RBFOX3: variants seen among roughly 807,000 people sequenced by gnomAD.
RBFOX3 encodes RNA binding protein fox-1 homolog 3.
Under a neutral mutation model 48.7 loss-of-function variants are expected in RBFOX3, and 17 were observed. The observed-to-expected ratio is 0.35, with a 90% CI of 0.24 to 0.52. RBFOX3 has a LOEUF of 0.52. RBFOX3 is among the 20% of genes least tolerant of loss of function. The probability of loss-of-function intolerance (pLI) is 0.94; values close to 1 mark genes in which losing one functional copy is unlikely to be tolerated. For missense variants in RBFOX3, 382 were observed against 497.5 expected, an observed-to-expected ratio of 0.77 and a Z score of 2.21; for synonymous variants, 212 against 209.5, an observed-to-expected ratio of 1.01 and a Z score of -0.10.
intron 1 of RBFOX3, among the ~76,000 whole-genome samples, chr17:79,610,441 GCCGCCGCCGCCACAGCCACCACCA>G (rs2093946458): frequency 6.6e-6 from 1 of 151,792 alleles, no homozygotes; most frequent in Non-Finnish European, 1.5e-5. Flanking sequence ...TTGTGCCGCC[GCCGCCGCCGCCACAGCCACCACCA>G]CCGCCACCGC....
At chr17:79,253,369 G>A (rs1005772253) in intron 3 of RBFOX3, among the ~76,000 whole-genome samples, 1 of 151,860 alleles carries the variant, frequency 6.6e-6, no homozygotes, top group Non-Finnish European at 1.5e-5. Context: ...CTGCCTCCCC[G>A]CCCAGATGAA....
At chr17:79,282,274 G>A (rs1436587431) in intron 3 of RBFOX3, among the ~76,000 whole-genome samples, 1 of 152,222 alleles carries the variant, frequency 6.6e-6, no homozygotes, top group African/African-American at 2.4e-5. Context: ...CAGGGGTAAC[G>A]GAAGGGGTGC....
intron 2 of RBFOX3, among the ~76,000 whole-genome samples, chr17:79,447,967 A>C (rs2072678799): frequency 6.6e-6 from 1 of 152,084 alleles, no homozygotes; most frequent in Admixed American, 6.5e-5. Flanking sequence ...AGTTCGTTTG[A>C]AAGTGTGTAG....
chr17:79,307,889 C>G (rs553022815), intron 2 of RBFOX3, 65 bp from the exon 3 acceptor site: 1 of 153,862 alleles, frequency 6.5e-6, no homozygotes, highest in South Asian at 2.1e-4. Context: ...TAGAGTGCAT[C>G]AGACGCATGC....
intron 4 of RBFOX3, among the ~76,000 whole-genome samples, chr17:79,162,426 C>G (rs1338378516): frequency 6.6e-6 from 1 of 152,232 alleles, no homozygotes; most frequent in African/African-American, 2.4e-5. Context: ...TGCCTCCAGC[C>G]AGGCCCACCA....
intron 1 of RBFOX3, among the ~76,000 whole-genome samples, chr17:79,523,711 C>T (rs1413615637): frequency 1.3e-5 from 2 of 152,154 alleles, no homozygotes; most frequent in East Asian, 1.9e-4. Flanking sequence ...TGCCTGCCCT[C>T]GGGACTCACA....
At chr17:79,279,544 C>T (rs909513916) in intron 3 of RBFOX3, among the ~76,000 whole-genome samples, 9 of 152,256 alleles carry the variant, frequency 5.9e-5, no homozygotes, top group East Asian at 5.8e-4. Flanking sequence ...CCAAATAGAG[C>T]GAAGGCATGA....
chr17:79,411,381 G>A (rs1264400076), intron 2 of RBFOX3, among the ~76,000 whole-genome samples: 1 of 152,152 alleles, frequency 6.6e-6, no homozygotes, highest in Non-Finnish European at 1.5e-5. Context: ...CAAGCAGCCA[G>A]GTTGTCTCGG....
chr17:79,551,929 T>C (rs1855574935), intron 1 of RBFOX3, among the ~76,000 whole-genome samples: 1 of 152,222 alleles, frequency 6.6e-6, no homozygotes, highest in Non-Finnish European at 1.5e-5. Flanking sequence ...TTTAGAGCAA[T>C]GCAAATGGAC....
chr17:79,415,340 A>G (rs965253587), intron 2 of RBFOX3, among the ~76,000 whole-genome samples: 1 of 152,190 alleles, frequency 6.6e-6, no homozygotes, highest in East Asian at 1.9e-4. Flanking sequence ...GTGTGGGGCT[A>G]AATACTCCAA....
intron 4 of RBFOX3, among the ~76,000 whole-genome samples, chr17:79,168,651 T>A (rs547499803): frequency 6.6e-6 from 1 of 152,336 alleles, no homozygotes; most frequent in Non-Finnish European, 1.5e-5. Flanking sequence ...CATCCGCTGA[T>A]GAATGCACTG....
chr17:79,140,722 A>C (rs1568211686), intron 4 of RBFOX3, among the ~76,000 whole-genome samples: 1 of 152,238 alleles, frequency 6.6e-6, no homozygotes, highest in Non-Finnish European at 1.5e-5. Flanking sequence ...AAATGCCACC[A>C]TGCTGTCTAG....
At chr17:79,483,927 G>A (rs1186488421) in intron 1 of RBFOX3, among the ~76,000 whole-genome samples, 2 of 152,188 alleles carry the variant, frequency 1.3e-5, no homozygotes, top group Non-Finnish European at 2.9e-5. Flanking sequence ...TTTAGTTGGT[G>A]AGGGCTGGCA....
At chr17:79,573,261 AG>A (rs1267723431) in intron 1 of RBFOX3, among the ~76,000 whole-genome samples, 2 of 152,178 alleles carry the variant, frequency 1.3e-5, no homozygotes, top group African/African-American at 2.4e-5. Flanking sequence ...TGAAAAGGAG[AG>A]AAAGACCAAG....
chr17:79,450,594 C>T (rs1284566774), intron 2 of RBFOX3, among the ~76,000 whole-genome samples: 8 of 151,796 alleles, frequency 5.3e-5, no homozygotes, highest in African/African-American at 1.2e-4. Flanking sequence ...ATATTTTCAA[C>T]TTAGCAATAA....
chr17:79,620,176 CACACACAT>C, the RBFOX3 span, among the ~76,000 whole-genome samples: 4,207 of 139,904 alleles, frequency 0.03, 364 homozygotes, highest in East Asian at 0.26. Flanking sequence ...CACACACATG[CACACACAT>C]GTGCACATGC....
the RBFOX3 span, among the ~76,000 whole-genome samples, chr17:79,630,950 CCCA>C: frequency 1.3e-5 from 2 of 152,146 alleles, no homozygotes; most frequent in Non-Finnish European, 2.9e-5. Context: ...CAGCCCCCGC[CCCA>C]CGAGGTGGAG....
intron 1 of RBFOX3, among the ~76,000 whole-genome samples, chr17:79,541,875 G>A (rs1203217088): frequency 1.3e-5 from 2 of 151,878 alleles, no homozygotes; most frequent in East Asian, 1.9e-4. Flanking sequence ...CACCAGTTTC[G>A]AGGGCAGAGT....
chr17:79,468,965 TGGATGG>T (rs2076702828), intron 2 of RBFOX3, among the ~76,000 whole-genome samples: 1 of 147,794 alleles, frequency 6.8e-6, no homozygotes, highest in Non-Finnish European at 1.5e-5. Context: ...GATGGATGGA[TGGATGG>T]ATGGATGGAT....
Sources: allele counts gnomAD v4.1 joint callset (sites outside exome capture counted in the v4.1 genomes callset), GRCh38; gene constraint gnomAD v4.1.1; transcripts MANE v1.5; gene names NCBI Gene and HGNC (gene_info 2026-07-23, HGNC 2026-07-21).